Variants in CHL1 observed in about 807,000 individuals in gnomAD.
CHL1 encodes cell adhesion molecule L1 like, also known as neural cell adhesion molecule L1-like protein.
Under a neutral mutation model 141.9 loss-of-function variants are expected in CHL1, and 96 were observed. The observed-to-expected ratio is 0.68, with a 90% CI of 0.57 to 0.80. CHL1 has a LOEUF of 0.80. Among genes scored for constraint, CHL1 ranks in the 30% least tolerant of loss-of-function variants. The pLI, the probability that CHL1 is intolerant of heterozygous loss-of-function variation, is 0.00. For synonymous variants in CHL1, 613 were observed against 502.2 expected, an observed-to-expected ratio of 1.22 and a Z score of -2.95; for missense variants, 1,820 against 1,457.2, an observed-to-expected ratio of 1.25 and a Z score of -4.05.
chr3:291,107 G>T lies in CHL1; in HGVS notation c.-94-28576G>T, dbSNP rs185319629. Among the ~76,000 whole-genome samples the T allele has an allele frequency of 9.1e-3, 1,378 of 151,874 alleles. 27 individuals are homozygous for T. Among genetic ancestry groups the T allele is most frequent in the African/African-American group, 0.032 (1,311 of 41,420 alleles). On this transcript the variant is annotated intron_variant, in intron 2 of 27. Transcript: ENST00000256509. ...ATAGGACTTTTTTGCTGTAAACCAG[G>T]GTTGCCTGTTTAATATTTGTATTTC...
At chr3:337,882 A>G (rs1702037408) in intron 5 of CHL1, among the ~76,000 whole-genome samples, 2 of 152,326 alleles carry the variant, frequency 1.3e-5, no homozygotes, top group Middle Eastern at 3.4e-3. Context: ...CTTTGGGTAT[A>G]TACCCAGTAA....
intron 24 of CHL1, among the ~76,000 whole-genome samples, chr3:396,926 G>T (rs1021045997): frequency 2.6e-5 from 4 of 152,130 alleles, no homozygotes; most frequent in African/African-American, 9.7e-5. Context: ...GATCACTTGT[G>T]CAAATAGGAA....
chr3:344,669 A>C lies in CHL1; in HGVS notation c.808A>C (p.Lys270Gln). ...SGSESSITILKGEILLLECFA... is the reference protein window; with the variant it reads ...SGSESSITILQGEILLLECFA... ...CAGTGAGTCTTCAATTACCATCCTC[A>C]AAGGGGAAATCTTGCTGCTTGAGTG... is the stretch of plus-strand genomic sequence containing the variant. Residue 270 changes from lysine (K) to glutamine (Q), a missense_variant, in exon 9 of 28, where the codon AAA becomes CAA. Lys to Gln is a moderately conservative substitution (Grantham distance 53, BLOSUM62 1). Coordinates refer to ENST00000256509, the MANE Select transcript of CHL1 (RefSeq NM_006614.4). 2 of 1,613,738 alleles carry C rather than the reference A, an allele frequency of 1.2e-6. No individual in the cohort carries two copies. The highest frequency in any genetic ancestry group is 1.7e-6 in the Non-Finnish European group (2 of 1,179,834).
Position 346,821 on chromosome 3 carries a change from C to T in CHL1, c.848+2112C>T, listed in dbSNP as rs1199492378. 3.3e-5 allele frequency among the ~76,000 whole-genome samples: 5 copies of T among 152,182 alleles called. No homozygotes were observed. The South Asian group carries it at 8.3e-4, about 25-fold the overall frequency. On this transcript the variant is annotated intron_variant, in intron 9 of 27. Coordinates refer to ENST00000256509, the MANE Select transcript of CHL1 (RefSeq NM_006614.4). Reference sequence around the variant, plus strand: ...TTCTAAGAAGTTTTCAAGCCATTAACCTCCTATAGTAACAAAAATAATTAT... The same window carrying T: ...TTCTAAGAAGTTTTCAAGCCATTAATCTCCTATAGTAACAAAAATAATTAT...
At chr3:224,554 C>G (rs331852) in intron 1 of CHL1, among the ~76,000 whole-genome samples, 134,339 of 151,906 alleles carry the variant, frequency 0.88, 59,556 homozygotes, top group East Asian at 1. Flanking sequence ...TCTAGCTTCT[C>G]CTTCCACCAT....
intron 2 of CHL1, among the ~76,000 whole-genome samples, chr3:298,386 TTC>T (rs1480057629): frequency 7.3e-5 from 11 of 150,692 alleles, no homozygotes; most frequent in African/African-American, 2.7e-4. Flanking sequence ...CGCAAATGCT[TTC>T]TTTCCACATA....
chr3:383,720 CTTAA>C (rs1448144638), intron 18 of CHL1, 92 bp from the exon 19 acceptor site: 13 of 732,840 alleles, frequency 1.8e-5, no homozygotes, highest in East Asian at 2.6e-5. Flanking sequence ...ATCAAACTTA[CTTAA>C]TTATCTGTGT....
At chr3:269,485 G>T (rs1420458638) in intron 2 of CHL1, among the ~76,000 whole-genome samples, 1 of 152,122 alleles carries the variant, frequency 6.6e-6, no homozygotes, top group Non-Finnish European at 1.5e-5. Context: ...TTCAGCCCAG[G>T]TGGGGTACAT....
chr3:296,173 G>T (rs1473877248), intron 2 of CHL1, among the ~76,000 whole-genome samples: 1 of 152,038 alleles, frequency 6.6e-6, no homozygotes, highest in South Asian at 2.1e-4. Context: ...TATCCCGTAC[G>T]CACTTAGTAG....
intron 15 of CHL1, among the ~76,000 whole-genome samples, chr3:373,243 C>G (rs1229442698): frequency 3.9e-5 from 6 of 152,244 alleles, no homozygotes; most frequent in Non-Finnish European, 7.3e-5. Context: ...CATGGCCACC[C>G]CTCCCCCTAG....
chr3:237,828 A>G (rs13097709), intron 1 of CHL1, among the ~76,000 whole-genome samples: 77,006 of 152,028 alleles, frequency 0.51, 21,158 homozygotes, highest in Non-Finnish European at 0.61. Context: ...TGTTTAGTGG[A>G]GAGTCAATAT....
chr3:353,945 A>G (rs1396095971), intron 10 of CHL1, among the ~76,000 whole-genome samples: 1 of 152,198 alleles, frequency 6.6e-6, no homozygotes, highest in African/African-American at 2.4e-5. Flanking sequence ...GAAATCCAGT[A>G]AAATGTGTCA....
intron 3 of CHL1, 65 bp downstream of exon 3, chr3:319,932 A>C: frequency 1.1e-6 from 1 of 882,386 alleles, no homozygotes; most frequent in Non-Finnish European, 1.8e-6. Context: ...TTTTAAGTAG[A>C]ATACTTATGG....
At chr3:356,926 T>C (rs1223755754) in intron 11 of CHL1, among the ~76,000 whole-genome samples, 1 of 152,206 alleles carries the variant, frequency 6.6e-6, no homozygotes, top group Non-Finnish European at 1.5e-5. Context: ...TTTACATTTT[T>C]ACAAGGTATT....
intron 26 of CHL1, among the ~76,000 whole-genome samples, chr3:399,743 C>T (rs1007516024): frequency 1.3e-5 from 2 of 152,212 alleles, no homozygotes; most frequent in African/African-American, 4.8e-5. Flanking sequence ...AGACATATCA[C>T]TAGGTCACAT....
chr3:210,615 C>T (rs1199903840), intron 1 of CHL1, among the ~76,000 whole-genome samples: 1 of 152,228 alleles, frequency 6.6e-6, no homozygotes, highest in Non-Finnish European at 1.5e-5. Context: ...AGTCCTCAGA[C>T]CGTTCAGATT....
Position 360,165 on chromosome 3 carries a change from C to T in CHL1, c.1166-119C>T, listed in dbSNP as rs1195702599. 2.8e-6 allele frequency: 3 copies of T among 1,072,732 alleles called. No homozygotes were observed. The East Asian group carries it at 8.2e-5, about 29-fold the overall frequency. 66.5% of individuals were successfully genotyped at this position (1,072,732 alleles called of 1,614,324 possible). Reference sequence around the variant, plus strand: ...AACCTAAAGAATTGGCTTCAATGAACTATTAGTCACCCTAAACTGGTTTGA... The same window carrying T: ...AACCTAAAGAATTGGCTTCAATGAATTATTAGTCACCCTAAACTGGTTTGA... On this transcript the variant is annotated intron_variant, in intron 11 of 27. Transcript: ENST00000256509.
chr3:261,871 C>T (rs1193068833), intron 2 of CHL1, among the ~76,000 whole-genome samples: 1 of 152,066 alleles, frequency 6.6e-6, no homozygotes, highest in Non-Finnish European at 1.5e-5. Context: ...TTCTTAATAA[C>T]TTCCTTTAGT....
Position 206,662 on chromosome 3 carries a change from C to T in CHL1, c.-175+9599C>T, listed in dbSNP as rs567631460. On this transcript the variant is annotated intron_variant, in intron 1 of 27. Transcript: ENST00000256509. ...GGCTGAGGTGGGAGGATCATTTGAG[C>T]CCAGGAGTTGGAGGTTACAGGGAGG... is the stretch of plus-strand genomic sequence containing the variant. Among the ~76,000 whole-genome samples the T allele has an allele frequency of 1.1e-4, 16 of 152,218 alleles. No homozygotes were observed. The South Asian group carries it at 2.3e-3, about 22-fold the overall frequency.
Sources: gnomAD v4.1 joint callset for allele counts (sites outside exome capture counted in the v4.1 genomes callset) on GRCh38, gnomAD v4.1.1 for gene constraint, MANE v1.5 for transcripts, NCBI Gene and HGNC (gene_info 2026-07-23, HGNC 2026-07-21) for gene names.